Variants in SLC4A10 observed in about 807,000 individuals in gnomAD.
SLC4A10 encodes the protein solute carrier family 4 member 10, also known as sodium-driven chloride bicarbonate exchanger.
SLC4A10 carries 42 observed loss-of-function variants against 137.7 expected under a neutral mutation model. The ratio of observed to expected loss-of-function variants is 0.30; its 90% CI spans 0.24 to 0.39. The LOEUF is 0.39. Ranked by LOEUF, SLC4A10 falls within the 10% of genes least tolerant of loss-of-function variation. The pLI, the probability that SLC4A10 is intolerant of heterozygous loss-of-function variation, is 1.00. For synonymous variants in SLC4A10, 474 were observed against 464.1 expected, an observed-to-expected ratio of 1.02 and a Z score of -0.27; for missense variants, 925 against 1,355.0, an observed-to-expected ratio of 0.68 and a Z score of 4.98.
intron 21 of SLC4A10, among the ~76,000 whole-genome samples, chr2:161,961,063 T>A (rs766708528): frequency 2.6e-5 from 4 of 152,240 alleles, no homozygotes; most frequent in Non-Finnish European, 4.4e-5. Flanking sequence ...GACTAGAGAC[T>A]TATTCATCAT....
At chr2:161,816,748 C>T (rs182534651) in intron 3 of SLC4A10, among the ~76,000 whole-genome samples, 119 of 150,840 alleles carry the variant, frequency 7.9e-4, no homozygotes, top group African/African-American at 2.7e-3. Flanking sequence ...TTTGTCCTTG[C>T]AATAGTTTGC....
intron 1 of SLC4A10, among the ~76,000 whole-genome samples, chr2:161,764,447 T>C (rs2050585329): frequency 6.6e-6 from 1 of 152,040 alleles, no homozygotes; most frequent in African/African-American, 2.4e-5. Context: ...GAATTCAGAA[T>C]TGAAAATAAA....
intron 15 of SLC4A10, among the ~76,000 whole-genome samples, chr2:161,921,107 C>A (rs1433445497): frequency 2.0e-5 from 3 of 152,166 alleles, no homozygotes; most frequent in African/African-American, 7.2e-5. Context: ...GAAGAAGTAA[C>A]AGAGTGCCCT....
intron 1 of SLC4A10, among the ~76,000 whole-genome samples, chr2:161,715,678 T>C (rs542484277): frequency 6.6e-6 from 1 of 152,128 alleles, no homozygotes; most frequent in South Asian, 2.1e-4. Flanking sequence ...ATCTAATTCC[T>C]TTCTATGGCC....
At chr2:161,846,377 A>C (rs1372775807) in intron 4 of SLC4A10, among the ~76,000 whole-genome samples, 2 of 152,222 alleles carry the variant, frequency 1.3e-5, no homozygotes, top group Non-Finnish European at 2.9e-5. Context: ...GCTGGTGTGA[A>C]TGTAAAATGG....
intron 21 of SLC4A10, among the ~76,000 whole-genome samples, chr2:161,961,210 A>G (rs540724814): frequency 1.6e-4 from 24 of 152,324 alleles, no homozygotes; most frequent in African/African-American, 5.8e-4. Flanking sequence ...TTCCTGAGCA[A>G]ATGACTAACC....
At chr2:161,911,703 T>C (rs1685894235) in intron 15 of SLC4A10, among the ~76,000 whole-genome samples, 1 of 152,134 alleles carries the variant, frequency 6.6e-6, no homozygotes, top group African/African-American at 2.4e-5. Context: ...GGCAGATCTA[T>C]GTACCTACTG....
At chr2:161,781,004 C>G (rs1484824558) in intron 2 of SLC4A10, among the ~76,000 whole-genome samples, 1 of 152,012 alleles carries the variant, frequency 6.6e-6, no homozygotes, top group Non-Finnish European at 1.5e-5. Flanking sequence ...CCTCCCCCAA[C>G]CTTAAAAAAC....
At chr2:161,630,323 T>G (rs947904429) in intron 1 of SLC4A10, among the ~76,000 whole-genome samples, 1 of 151,824 alleles carries the variant, frequency 6.6e-6, no homozygotes, top group Non-Finnish European at 1.5e-5. Flanking sequence ...TTGGTTTTGG[T>G]ATTAGGGTGA....
intron 15 of SLC4A10, among the ~76,000 whole-genome samples, chr2:161,940,031 G>A (rs1692385764): frequency 6.6e-6 from 1 of 151,980 alleles, no homozygotes; most frequent in African/African-American, 2.4e-5. Flanking sequence ...CAACCATACT[G>A]GTAAAAGTAA....
intron 21 of SLC4A10, among the ~76,000 whole-genome samples, chr2:161,963,392 T>C (rs1010480042): frequency 6.6e-6 from 1 of 152,006 alleles, no homozygotes; most frequent in Admixed American, 6.6e-5. Context: ...CAACTGAAAA[T>C]ATATAAATGA....
chr2:161,636,996 G>A (rs187466959), intron 1 of SLC4A10, among the ~76,000 whole-genome samples: 1 of 149,152 alleles, frequency 6.7e-6, no homozygotes, highest in Non-Finnish European at 1.5e-5. Context: ...GGGATTACAG[G>A]CGTGCATCAC....
At chr2:161,641,022 A>T (rs1277330759) in intron 1 of SLC4A10, among the ~76,000 whole-genome samples, 1 of 152,168 alleles carries the variant, frequency 6.6e-6, no homozygotes, top group Non-Finnish European at 1.5e-5. Context: ...TCCTCTCTAG[A>T]TACCATTTTG....
At chr2:161,739,324 A>C (rs186871864) in intron 1 of SLC4A10, among the ~76,000 whole-genome samples, 1 of 152,238 alleles carries the variant, frequency 6.6e-6, no homozygotes, top group African/African-American at 2.4e-5. Context: ...GAAGGCATGT[A>C]AGCTAGTCTT....
intron 5 of SLC4A10, among the ~76,000 whole-genome samples, chr2:161,855,353 C>G (rs191376025): frequency 6.6e-6 from 1 of 152,052 alleles, no homozygotes; most frequent in Non-Finnish European, 1.5e-5. Context: ...AGGACAAGAA[C>G]CTAGATATCT....
chr2:161,637,094 C>T (rs368937570), intron 1 of SLC4A10, among the ~76,000 whole-genome samples: 8 of 122,072 alleles, frequency 6.6e-5, no homozygotes, highest in South Asian at 2.5e-4. Context: ...TATACATATA[C>T]GTATATACGT....
At chr2:161,881,032 G>C (rs2061738849) in intron 9 of SLC4A10, among the ~76,000 whole-genome samples, 1 of 152,030 alleles carries the variant, frequency 6.6e-6, no homozygotes, top group African/African-American at 2.4e-5. Context: ...GGCCACTGTA[G>C]AGCAACTGTA....
At chr2:161,771,680 A>G (rs1484675314) in intron 2 of SLC4A10, among the ~76,000 whole-genome samples, 2 of 151,944 alleles carry the variant, frequency 1.3e-5, no homozygotes, top group Non-Finnish European at 2.9e-5. Flanking sequence ...TATATTTCAT[A>G]GTTTTTCTAT....
At chr2:161,938,603 C>T (rs1331910786) in intron 15 of SLC4A10, among the ~76,000 whole-genome samples, 2 of 150,510 alleles carry the variant, frequency 1.3e-5, no homozygotes, top group African/African-American at 4.9e-5. Flanking sequence ...TGAAAATAAT[C>T]CAAATATCTT....
Sources: gnomAD v4.1 joint callset for allele counts (sites outside exome capture counted in the v4.1 genomes callset) on GRCh38, gnomAD v4.1.1 for gene constraint, MANE v1.5 for transcripts, NCBI Gene and HGNC (gene_info 2026-07-23, HGNC 2026-07-21) for gene names.